Variants in RBFOX1 observed in about 807,000 individuals in gnomAD.
RBFOX1 encodes RNA binding fox-1 homolog 1.
A neutral mutation model predicts 57.7 loss-of-function variants in RBFOX1; 8 were observed. That is an observed-to-expected ratio of 0.14 (90% CI 0.08 to 0.25). The LOEUF is 0.25. Among genes scored for constraint, RBFOX1 ranks in the 10% least tolerant of loss-of-function variants. The pLI, the probability that RBFOX1 is intolerant of heterozygous loss-of-function variation, is 1.00. For missense variants in RBFOX1, 611 were observed against 548.5 expected, an observed-to-expected ratio of 1.11 and a Z score of -1.14; for synonymous variants, 326 against 222.4, an observed-to-expected ratio of 1.47 and a Z score of -4.15.
intron 14 of RBFOX1, chr16:7,693,379 T>G (rs370597008): frequency 6.2e-7 from 1 of 1,602,270 alleles, no homozygotes; most frequent in African/African-American, 1.3e-5. Context: ...TAACAAACGT[T>G]GCTACTTCTT....
chr16:6,672,370 GGAGAAA>G (rs1419737901), intron 3 of RBFOX1, among the ~76,000 whole-genome samples: 5 of 150,434 alleles, frequency 3.3e-5, no homozygotes, highest in African/African-American at 1.2e-4. Flanking sequence ...GAGAGAAGAG[GGAGAAA>G]GAGAGAGAGA....
chr16:6,511,045 C>T (rs374151987), intron 2 of RBFOX1, among the ~76,000 whole-genome samples: 31 of 152,116 alleles, frequency 2.0e-4, no homozygotes, highest in African/African-American at 1.9e-4. Context: ...TTAAAAGCAA[C>T]ATTGAGGTTG....
At chr16:7,053,928 T>C (rs1033276157) in intron 4 of RBFOX1, among the ~76,000 whole-genome samples, 2 of 152,078 alleles carry the variant, frequency 1.3e-5, no homozygotes, top group African/African-American at 4.8e-5. Context: ...AGCACACATA[T>C]ATAGGGTTCA....
intron 4 of RBFOX1, among the ~76,000 whole-genome samples, chr16:7,397,827 C>G (rs1425068247): frequency 6.6e-6 from 1 of 152,076 alleles, no homozygotes; most frequent in East Asian, 1.9e-4. Context: ...GTCCACGTCC[C>G]AAGCTGTGGA....
At chr16:6,673,269 C>T (rs889787010) in intron 3 of RBFOX1, among the ~76,000 whole-genome samples, 8 of 152,046 alleles carry the variant, frequency 5.3e-5, no homozygotes, top group African/African-American at 1.7e-4. Context: ...TATCCCTGTA[C>T]GAAGTTGCAA....
chr16:7,636,500 C>A (rs888868260), intron 11 of RBFOX1, among the ~76,000 whole-genome samples: 2 of 152,156 alleles, frequency 1.3e-5, no homozygotes, highest in Non-Finnish European at 2.9e-5. Context: ...ACGTGTATTT[C>A]CTGTTTTGAC....
At chr16:6,714,518 G>T (rs1248700751) in intron 3 of RBFOX1, among the ~76,000 whole-genome samples, 1 of 152,134 alleles carries the variant, frequency 6.6e-6, no homozygotes, top group African/African-American at 2.4e-5. Context: ...AGGGCAGGGG[G>T]CCTGGGGTAC....
chr16:6,674,875 G>C (rs185777359), intron 3 of RBFOX1, among the ~76,000 whole-genome samples: 1 of 152,100 alleles, frequency 6.6e-6, no homozygotes, highest in African/African-American at 2.4e-5. Flanking sequence ...ATAAATTACT[G>C]TTGTGTTTTT....
intron 3 of RBFOX1, among the ~76,000 whole-genome samples, chr16:6,657,060 TTCCTC>T (rs768360246): frequency 6.0e-4 from 27 of 44,784 alleles, no homozygotes; most frequent in Middle Eastern, 0.038. Flanking sequence ...CTCCTCCCCT[TTCCTC>T]TCCTCTCCTC....
intron 3 of RBFOX1, among the ~76,000 whole-genome samples, chr16:5,832,053 A>G (rs1162198704): frequency 6.6e-6 from 1 of 152,170 alleles, no homozygotes; most frequent in African/African-American, 2.4e-5. Context: ...TCAGCATCAG[A>G]CCATGATTCA....
intron 11 of RBFOX1, among the ~76,000 whole-genome samples, chr16:7,653,306 G>A (rs1331582774): frequency 6.6e-6 from 1 of 152,132 alleles, no homozygotes; most frequent in Non-Finnish European, 1.5e-5. Context: ...TTCAAGACCA[G>A]CCGGGGCAAC....
chr16:7,645,902 A>G (rs531092174), intron 11 of RBFOX1, among the ~76,000 whole-genome samples: 3 of 152,000 alleles, frequency 2.0e-5, no homozygotes, highest in South Asian at 4.1e-4. Flanking sequence ...TGGTCTTTCT[A>G]TCAGTGACCG....
At chr16:5,499,424 G>T (rs1296138794) in intron 2 of RBFOX1, among the ~76,000 whole-genome samples, 1 of 152,096 alleles carries the variant, frequency 6.6e-6, no homozygotes, top group Non-Finnish European at 1.5e-5. Context: ...TCAGGTTCCA[G>T]TGTAAACATC....
chr16:6,122,960 T>TAAA (rs5815286), intron 1 of RBFOX1, among the ~76,000 whole-genome samples: 1 of 147,624 alleles, frequency 6.8e-6, no homozygotes. Context: ...CAGCAAACCA[T>TAAA]AAAAAAAAAA....
intron 3 of RBFOX1, among the ~76,000 whole-genome samples, chr16:6,951,548 T>C (rs530815021): frequency 2.6e-4 from 40 of 152,180 alleles, no homozygotes; most frequent in African/African-American, 8.7e-4. Context: ...AGCAGGAATA[T>C]TGGGGACTAC....
At chr16:6,668,762 C>T (rs2098747521) in intron 3 of RBFOX1, among the ~76,000 whole-genome samples, 1 of 151,962 alleles carries the variant, frequency 6.6e-6, no homozygotes, top group African/African-American at 2.4e-5. Flanking sequence ...ATTTTAATAT[C>T]ATTATTTATA....
intron 1 of RBFOX1, among the ~76,000 whole-genome samples, chr16:6,208,308 AT>A: frequency 1.3e-5 from 2 of 152,068 alleles, no homozygotes; most frequent in South Asian, 4.2e-4. Flanking sequence ...GCTTTGTTTA[AT>A]TTTTTTGTTG....
At chr16:7,272,015 T>C (rs1003035465) in intron 4 of RBFOX1, among the ~76,000 whole-genome samples, 3 of 152,186 alleles carry the variant, frequency 2.0e-5, no homozygotes, top group Non-Finnish European at 4.4e-5. Context: ...ATAGTGTTTT[T>C]GGGAATAGAG....
chr16:7,443,856 A>G (rs2098788779), intron 4 of RBFOX1, among the ~76,000 whole-genome samples: 1 of 152,198 alleles, frequency 6.6e-6, no homozygotes, highest in South Asian at 2.1e-4. Context: ...TTAGGGATGC[A>G]CGTGGCGTGA....
Sources: gnomAD v4.1 joint callset for allele counts (sites outside exome capture counted in the v4.1 genomes callset) on GRCh38, gnomAD v4.1.1 for gene constraint, MANE v1.5 for transcripts, NCBI Gene and HGNC (gene_info 2026-07-23, HGNC 2026-07-21) for gene names.